The following EXOC4 variants were observed in gnomAD, a reference collection of about 807,000 sequenced individuals.
EXOC4 encodes exocyst complex component 4.
In EXOC4, 71 loss-of-function variants were observed where a neutral mutation model predicts 107.2. That is an observed-to-expected ratio of 0.66 (90% CI 0.55 to 0.81). EXOC4 has a LOEUF of 0.81. Ranked by LOEUF, EXOC4 falls within the 30% of genes least tolerant of loss-of-function variation. The pLI is 0.00. For missense variants in EXOC4, 1,108 were observed against 1,189.6 expected, an observed-to-expected ratio of 0.93 and a Z score of 1.01; for synonymous variants, 456 against 441.2, an observed-to-expected ratio of 1.03 and a Z score of -0.42.
chr7:134,044,130 A>G (rs953165952), intron 17 of EXOC4, among the ~76,000 whole-genome samples: 2 of 152,166 alleles, frequency 1.3e-5, no homozygotes, highest in African/African-American at 2.4e-5. Context: ...AGCTCAAAGG[A>G]GCCTGTGTAG....
chr7:133,459,735 T>C (rs1798545304), intron 7 of EXOC4, among the ~76,000 whole-genome samples: 2 of 152,206 alleles, frequency 1.3e-5, no homozygotes, highest in Non-Finnish European at 2.9e-5. Context: ...TATAATGCAT[T>C]TCTTCGGTAC....
intron 10 of EXOC4, among the ~76,000 whole-genome samples, chr7:133,649,819 G>A (rs1372098947): frequency 6.6e-6 from 1 of 152,120 alleles, no homozygotes; most frequent in Admixed American, 6.5e-5. Flanking sequence ...ACTTCATTCA[G>A]TATTTTTGTT....
intron 11 of EXOC4, among the ~76,000 whole-genome samples, chr7:133,887,023 A>C (rs888754542): frequency 6.6e-6 from 1 of 152,218 alleles, no homozygotes; most frequent in East Asian, 1.9e-4. Flanking sequence ...GTGTAATCAT[A>C]TAGCATCACA....
At chr7:134,096,436 C>T in the EXOC4 span, among the ~76,000 whole-genome samples, 1 of 152,088 alleles carries the variant, frequency 6.6e-6, no homozygotes, top group Non-Finnish European at 1.5e-5. Flanking sequence ...TTTAAAGGGA[C>T]AGAACTAATG....
intron 17 of EXOC4, among the ~76,000 whole-genome samples, chr7:134,026,583 A>C (rs985610778): frequency 2.0e-5 from 3 of 151,740 alleles, no homozygotes; most frequent in African/African-American, 7.3e-5. Flanking sequence ...TTGCTGAATG[A>C]ATAAAATGTA....
chr7:134,094,641 G>A, the EXOC4 span, among the ~76,000 whole-genome samples: 47 of 152,172 alleles, frequency 3.1e-4, 1 homozygote, highest in Middle Eastern at 3.4e-3. Context: ...CAAGATCCTT[G>A]ATGAATATAG....
chr7:133,405,893 C>T (rs1269713121), intron 7 of EXOC4, among the ~76,000 whole-genome samples: 2 of 152,110 alleles, frequency 1.3e-5, no homozygotes, highest in African/African-American at 4.8e-5. Context: ...GAAATTGAAA[C>T]TGTGGATAAG....
At chr7:133,585,768 A>C (rs545746332) in intron 9 of EXOC4, among the ~76,000 whole-genome samples, 1 of 152,268 alleles carries the variant, frequency 6.6e-6, no homozygotes, top group South Asian at 2.1e-4. Flanking sequence ...ATCTCAGCTC[A>C]CTGTAACCTC....
At chr7:133,687,900 T>A (rs1291333561) in intron 10 of EXOC4, among the ~76,000 whole-genome samples, 1 of 152,212 alleles carries the variant, frequency 6.6e-6, no homozygotes, top group African/African-American at 2.4e-5. Context: ...TAGATAAAGA[T>A]ATTTATTTAA....
At chr7:133,606,107 G>T (rs1801939455) in intron 9 of EXOC4, among the ~76,000 whole-genome samples, 1 of 152,176 alleles carries the variant, frequency 6.6e-6, no homozygotes, top group Admixed American at 6.5e-5. Context: ...TAAGAAGGTA[G>T]TTTCCACACT....
At chr7:133,882,426 G>T (rs530236461) in intron 11 of EXOC4, among the ~76,000 whole-genome samples, 85 of 152,286 alleles carry the variant, frequency 5.6e-4, no homozygotes, top group Middle Eastern at 3.4e-3. Context: ...ACTCAGTTAA[G>T]AAATATTTAT....
intron 10 of EXOC4, among the ~76,000 whole-genome samples, chr7:133,693,000 G>C (rs747936128): frequency 2.6e-5 from 4 of 152,164 alleles, no homozygotes; most frequent in Non-Finnish European, 4.4e-5. Context: ...GAGAATTTAA[G>C]TACCATGCCC....
At chr7:133,412,949 G>A (rs1797396484) in intron 7 of EXOC4, among the ~76,000 whole-genome samples, 1 of 152,088 alleles carries the variant, frequency 6.6e-6, no homozygotes, top group East Asian at 1.9e-4. Flanking sequence ...GGCATTGCTG[G>A]TGCTCAGTTC....
chr7:133,727,600 C>T, intron 10 of EXOC4: 1 of 162,500 alleles, frequency 6.2e-6, no homozygotes, highest in East Asian at 1.7e-4. Flanking sequence ...CCATCATAAC[C>T]TCCCTCTCCA....
intron 9 of EXOC4, among the ~76,000 whole-genome samples, chr7:133,566,016 G>T (rs1048154613): frequency 6.6e-5 from 10 of 152,298 alleles, no homozygotes; most frequent in Non-Finnish European, 1.3e-4. Flanking sequence ...TTTATTGGGG[G>T]TTATTATATA....
rs1384376879 is a variant in EXOC4 at position 133,308,187 on chromosome 7, G to C, written c.656+2126G>C. Among the ~76,000 whole-genome samples the C allele has an allele frequency of 1.3e-5, 2 of 152,184 alleles. 1 individual carries two copies. The highest frequency in any genetic ancestry group is 4.1e-4 in the South Asian group (2 of 4,824). ...TGAAAGATGAACAGTGGTCAATCCAGTGATTTTAGGGGTTCCAGAGAATCA... is the reference window on the plus strand; with the variant it reads ...TGAAAGATGAACAGTGGTCAATCCACTGATTTTAGGGGTTCCAGAGAATCA... On this transcript the variant is annotated intron_variant, in intron 4 of 17. Transcript: ENST00000253861.
chr7:133,722,195 C>A (rs564460792), intron 10 of EXOC4, among the ~76,000 whole-genome samples: 1 of 152,192 alleles, frequency 6.6e-6, no homozygotes, highest in Admixed American at 6.5e-5. Flanking sequence ...GGGACTTGGA[C>A]GCCTGAAAAC....
intron 11 of EXOC4, among the ~76,000 whole-genome samples, chr7:133,869,650 C>T (rs1289165967): frequency 6.6e-6 from 1 of 152,184 alleles, no homozygotes; most frequent in East Asian, 1.9e-4. Flanking sequence ...TTGTATCCAG[C>T]TGTACCACAT....
intron 9 of EXOC4, among the ~76,000 whole-genome samples, chr7:133,602,997 A>G (rs1433478981): frequency 2.8e-5 from 4 of 143,038 alleles, no homozygotes; most frequent in South Asian, 4.2e-4. Flanking sequence ...TTTAATGTCT[A>G]CTACTACCCC....
Sources: allele counts gnomAD v4.1 joint callset (sites outside exome capture counted in the v4.1 genomes callset), GRCh38; gene constraint gnomAD v4.1.1; transcripts MANE v1.5; gene names NCBI Gene and HGNC (gene_info 2026-07-23, HGNC 2026-07-21).